The following LRRN4 variants were observed in gnomAD, a reference collection of about 807,000 sequenced individuals.
LRRN4 encodes the protein leucine rich repeat neuronal 4, also known as leucine-rich repeat neuronal protein 4.
In LRRN4, 26 loss-of-function variants were observed where a neutral mutation model predicts 22.3. The ratio of observed to expected loss-of-function variants is 1.16; its 90% confidence interval spans 0.85 to 1.62. The LOEUF (loss-of-function observed/expected upper bound fraction) is 1.62. Among genes scored for constraint, LRRN4 ranks in the 40% most tolerant of loss-of-function variants. LRRN4 has a pLI of 0.00. For missense variants in LRRN4, 1,070 were observed against 1,008.5 expected (o/e 1.06, Z -0.83); for synonymous variants, 496 against 486.2 (o/e 1.02, Z -0.26).
Position 6,041,032 on chromosome 20 carries a change from G to T in LRRN4, c.2213C>A (p.Thr738Asn). The T allele has an allele frequency of 6.2e-7, 1 of 1,613,982 alleles. No homozygotes were observed. The highest frequency in any genetic ancestry group is 8.5e-7 in the Non-Finnish European group (1 of 1,179,992). Reference protein sequence around the residue: ...AFDDYPLGLQTVS With the variant: ...AFDDYPLGLQNVS ...ATCCCAGAAGCTGGGCTAACTGACG[G>T]TCTGGAGCCCCAGCGGGTAATCATC... The change falls in exon 5 of 5, where the codon ACC becomes AAC. Residue 738 changes from threonine (T) to asparagine (N), a missense_variant. Transcript: ENST00000378858. The surrounding 1 kb of genome is among the most constrained non-coding windows in gnomAD (Gnocchi z 9.4).
rs745820651 is a variant in LRRN4 at position 6,053,387 on chromosome 20, AG to A, written c.-6+442del. 1.1e-4 allele frequency among the ~76,000 whole-genome samples: 17 copies of A among 152,278 alleles called. No homozygotes were observed. In the East Asian group the frequency reaches 2.5e-3, roughly 23 times the overall value. The stretch of plus-strand genomic sequence containing the variant: ...TGGCAGCATGCTCAGGGTTGCCTTC[AG>A]CAGAAGAACAAAGCCCTGTGAACCC... On this transcript the variant is annotated intron_variant, in intron 1 of 4. Transcript: ENST00000378858.
chr20:6,051,523 C>T (rs995437795), intron 2 of LRRN4, among the ~76,000 whole-genome samples: 2 of 152,120 alleles, frequency 1.3e-5, no homozygotes, highest in African/African-American at 4.8e-5. Context: ...GTTGTAGACA[C>T]GTGAAGTGTT....
chr20:6,041,058 A>G lies in LRRN4; in HGVS notation c.2187T>C (p.Phe729=). 6.2e-7 allele frequency: 1 copy of G among 1,614,000 alleles called. No individual in the cohort carries two copies. Among genetic ancestry groups the G allele is most frequent in the South Asian group, 1.1e-5 (1 of 91,090 alleles). Residue 729 remains phenylalanine, a synonymous_variant, in exon 5 of 5, where the codon TTT becomes TTC. Coordinates refer to ENST00000378858, the MANE Select transcript of LRRN4 (RefSeq NM_152611.5). The surrounding 1 kb of genome is among the most constrained non-coding windows in gnomAD (Gnocchi z 9.4). ...TCTGGAGCCCCAGCGGGTAATCATCAAAGGCCGGGTTTTTGTAGGCCACCA... is the reference window on the plus strand; with the variant it reads ...TCTGGAGCCCCAGCGGGTAATCATCGAAGGCCGGGTTTTTGTAGGCCACCA... ...THLVAYKNPA[F]DDYPLGLQTV...
At chr20:6,047,523 A>G (rs1428379062) in intron 3 of LRRN4, among the ~76,000 whole-genome samples, 1 of 151,596 alleles carries the variant, frequency 6.6e-6, no homozygotes, top group East Asian at 1.9e-4. Context: ...GCGGTGGCTC[A>G]CACCCATAAT....
At position 6,041,490 on chromosome 20, in the gene LRRN4, C is replaced by A; in HGVS notation, c.1755G>T (p.Leu585=). The A allele has an allele frequency of 6.4e-7, 1 of 1,559,072 alleles. No homozygotes were observed. The highest frequency in any genetic ancestry group is 1.9e-5 in the Admixed American group (1 of 53,368). The part of the protein sequence containing the change: ...GEDTIPDPPR[L]QGVTETTDTS... ...TGTCCGTGGTCTCCGTCACCCCCTG[C>A]AGCCTGGGCGGGTCTGGGATGGTGT... Residue 585 remains leucine (L), a synonymous_variant, in exon 5 of 5, where the codon CTG becomes CTT. Transcript: ENST00000378858. This position sits in a 1 kb window ranked among gnomAD's most constrained non-coding sequence, Gnocchi z 9.4.
intron 3 of LRRN4, among the ~76,000 whole-genome samples, chr20:6,047,408 AAAG>A (rs1981125353): frequency 6.8e-6 from 1 of 148,042 alleles, no homozygotes; most frequent in Admixed American, 6.8e-5. Context: ...TTAAGGTGTT[AAAG>A]AAGCAGACAC....
In LRRN4 at chr20:6,052,481, G is replaced by A; in HGVS notation, c.319C>T (p.Arg107Cys). Residue 107 changes from arginine to cysteine, a missense_variant, in exon 2 of 5, where the codon CGC (arginine) becomes TGC (cysteine). Transcript: ENST00000378858. ...CGCAGCGCGGCGATGCGGTTGTGGC[G>A]CAGGGTCAGCACCTGCAGCTGCTCC... Reference protein sequence around the residue: ...HLEQLQVLTLRHNRIAALRWG... With the variant: ...HLEQLQVLTLCHNRIAALRWG... The A allele has an allele frequency of 6.4e-7, 1 of 1,571,412 alleles. No individual in the cohort carries two copies. The highest frequency in any genetic ancestry group is 8.6e-7 in the Non-Finnish European group (1 of 1,167,568).
In LRRN4 at chr20:6,052,141, T is replaced by A; in HGVS notation, c.655+4A>T. The A allele has an allele frequency of 6.3e-7, 1 of 1,587,606 alleles. No homozygotes were observed. The highest frequency in any genetic ancestry group is 8.6e-7 in the Non-Finnish European group (1 of 1,168,038). On this transcript the variant is annotated splice_donor_region_variant and intron_variant, in intron 2 of 4. Transcript: ENST00000378858. ...GGCTGAAAACGCGGGGCGCCCGGACTCACCCCGTTCAAGGAACGTGCCGCT... is the reference window on the plus strand; with the variant it reads ...GGCTGAAAACGCGGGGCGCCCGGACACACCCCGTTCAAGGAACGTGCCGCT...
chr20:6,053,708 C>T (rs980034467), intron 1 of LRRN4, 122 bp downstream of exon 1: 2 of 152,272 alleles, frequency 1.3e-5, no homozygotes, highest in African/African-American at 2.4e-5. Flanking sequence ...AGTAGATCTC[C>T]GAGTCACCAC....
At position 6,045,641 on chromosome 20, in the gene LRRN4, T is replaced by C. The variant is rs549801557; in HGVS notation, c.861-961A>G. Among the ~76,000 whole-genome samples, 18 of 149,140 alleles carry C rather than the reference T, an allele frequency of 1.2e-4. 2 individuals carry two copies. In the South Asian group the frequency reaches 3.8e-3, roughly 32 times the overall value. On this transcript the variant is annotated intron_variant, in intron 3 of 4. Transcript: ENST00000378858. ...CTCATTTAAGTGCATCAGTGAACTC[T>C]TGCTAAGTAGAGAGTATCCTCCAAA...
At position 6,050,876 on chromosome 20, in the gene LRRN4, G is replaced by C; in HGVS notation, c.763C>G (p.Leu255Val). 6.2e-7 allele frequency: 1 copy of C among 1,614,172 alleles called. No homozygotes were observed. Among genetic ancestry groups the C allele is most frequent in the Non-Finnish European group, 8.5e-7 (1 of 1,180,020 alleles). The change falls in exon 3 of 5, where the codon CTG (leucine) becomes GTG (valine). Residue 255 changes from leucine (L) to valine (V), a missense_variant. Coordinates refer to ENST00000378858, the MANE Select transcript of LRRN4 (RefSeq NM_152611.5). Reference protein sequence around the residue: ...EGDIFKMTPNLQQLDCQDSPA... With the variant: ...EGDIFKMTPNVQQLDCQDSPA... Reference sequence around the variant, plus strand: ...GAGTCCTGACAGTCCAGCTGCTGCAGGTTGGGGGTCATCTTGAAAATGTCC... The same window carrying C: ...GAGTCCTGACAGTCCAGCTGCTGCACGTTGGGGGTCATCTTGAAAATGTCC...
In LRRN4 at chr20:6,052,673, C is replaced by A. The variant is rs757705594; in HGVS notation, c.127G>T (p.Ala43Ser). The change falls in exon 2 of 5, where the codon GCC (alanine) becomes TCC (serine). Residue 43 changes from alanine (A) to serine (S), a missense_variant. By Grantham distance (99) the Ala-to-Ser change is moderately conservative. Coordinates refer to ENST00000378858, the MANE Select transcript of LRRN4 (RefSeq NM_152611.5). The part of the protein sequence containing the change: ...QGPWGSSGSN[A>S]TDSPCEGLPA... ...AGCCCCTCGCAGGGCGAGTCGGTGG[C>A]GTTGCTGCCACTGCTCCCCCAGGGG... The A allele has an allele frequency of 6.3e-7, 1 of 1,577,920 alleles. No homozygotes were observed. Among genetic ancestry groups the A allele is most frequent in the Non-Finnish European group, 8.5e-7 (1 of 1,169,806 alleles).
In LRRN4 at chr20:6,042,194, C is replaced by A. The variant is rs1289962025; in HGVS notation, c.1051G>T (p.Ala351Ser). The change falls in exon 5 of 5, where the codon GCC (alanine) becomes TCC (serine). Residue 351 changes from alanine to serine, a missense_variant. Transcript: ENST00000378858. ...PAAGSSGPFS[A>S]SLSLSQLPGV... ...GGCAGCTGGGAGAGTGACAGGGAGGCTGAGAAGGGGCCGCTGGATCCCGCA... is the reference window on the plus strand; with the variant it reads ...GGCAGCTGGGAGAGTGACAGGGAGGATGAGAAGGGGCCGCTGGATCCCGCA... 1.5e-5 allele frequency: 24 copies of A among 1,613,796 alleles called. No individual in the cohort carries two copies. Among genetic ancestry groups the A allele is most frequent in the Non-Finnish European group, 1.9e-5 (23 of 1,179,972 alleles).
Position 6,052,769 on chromosome 20 carries a change from TCAGCAG to T in LRRN4, c.25_30del (p.Leu9_Leu10del). The stretch of plus-strand genomic sequence containing the variant: ...TCTGCCCAGCTGGGGCGCAGCACCG[TCAGCAG>T]CAGCAGCGGTAGGGTTTGCCGCATG... On this transcript the variant is annotated inframe_deletion, in exon 2 of 5. Transcript: ENST00000378858. The T allele has an allele frequency of 3.2e-6, 5 of 1,575,464 alleles. No homozygotes were observed. Among genetic ancestry groups the T allele is most frequent in the Non-Finnish European group, 4.3e-6 (5 of 1,168,394 alleles).
rs1288436820 is a variant in LRRN4 at position 6,041,905 on chromosome 20, G to A, written c.1340C>T (p.Pro447Leu). 1 of 1,614,162 alleles carries A rather than the reference G, an allele frequency of 6.2e-7. No individual in the cohort carries two copies. The highest frequency in any genetic ancestry group is 8.5e-7 in the Non-Finnish European group (1 of 1,180,012). ...VAGHSNSSVFPRAASTTRTQH... is the reference protein window; with the variant it reads ...VAGHSNSSVFLRAASTTRTQH... ...GGTCCTGGTGGTGCTGGCAGCCCTG[G>A]GGAAAACGCTGGAGTTGCTGTGACC... The change falls in exon 5 of 5, where the codon CCC becomes CTC. Residue 447 changes from proline (P) to leucine (L), a missense_variant. Coordinates refer to ENST00000378858, the MANE Select transcript of LRRN4 (RefSeq NM_152611.5). This position sits in a 1 kb window ranked among gnomAD's most constrained non-coding sequence, Gnocchi z 9.4.
intron 3 of LRRN4, among the ~76,000 whole-genome samples, chr20:6,047,746 G>C (rs1981143963): frequency 6.7e-6 from 1 of 149,990 alleles, no homozygotes; most frequent in Non-Finnish European, 1.5e-5. Context: ...AGCTGAGATA[G>C]AGCCACTGCA....
chr20:6,041,908 A>G lies in LRRN4; in HGVS notation c.1337T>C (p.Phe446Ser), dbSNP rs1351909121. 6.2e-7 allele frequency: 1 copy of G among 1,614,064 alleles called. No homozygotes were observed. The highest frequency in any genetic ancestry group is 2.2e-5 in the East Asian group (1 of 44,858). ...CCTGGTGGTGCTGGCAGCCCTGGGGAAAACGCTGGAGTTGCTGTGACCTGC... is the reference window on the plus strand; with the variant it reads ...CCTGGTGGTGCTGGCAGCCCTGGGGGAAACGCTGGAGTTGCTGTGACCTGC... ...SVAGHSNSSV[F>S]PRAASTTRTQ... Residue 446 changes from phenylalanine (F) to serine (S), a missense_variant, in exon 5 of 5, where the codon TTC (phenylalanine) becomes TCC (serine). Physicochemically the swap from Phe to Ser is radical, Grantham distance 155 (BLOSUM62 -2). Coordinates refer to ENST00000378858, the MANE Select transcript of LRRN4 (RefSeq NM_152611.5). This position sits in a 1 kb window ranked among gnomAD's most constrained non-coding sequence, Gnocchi z 9.4.
intron 4 of LRRN4, among the ~76,000 whole-genome samples, chr20:6,044,321 C>T (rs1320654537): frequency 6.6e-6 from 1 of 152,226 alleles, no homozygotes; most frequent in African/African-American, 2.4e-5. Flanking sequence ...TCACCAAAAG[C>T]CTCCAGGTCT....
At position 6,041,472 on chromosome 20, in the gene LRRN4, G is replaced by C. The variant is rs1276598649; in HGVS notation, c.1773C>G (p.Thr591=). 1.9e-6 allele frequency: 3 copies of C among 1,555,828 alleles called. No individual in the cohort carries two copies. Among genetic ancestry groups the C allele is most frequent in the Non-Finnish European group, 2.6e-6 (3 of 1,149,638 alleles). ...AGTGGACCAGCGCCGACGTGTCCGTGGTCTCCGTCACCCCCTGCAGCCTGG... is the reference window on the plus strand; with the variant it reads ...AGTGGACCAGCGCCGACGTGTCCGTCGTCTCCGTCACCCCCTGCAGCCTGG... ...DPPRLQGVTE[T]TDTSALVHWC... The change falls in exon 5 of 5, where the codon ACC becomes ACG. Residue 591 remains threonine, a synonymous_variant. Transcript: ENST00000378858. The surrounding 1 kb of genome is among the most constrained non-coding windows in gnomAD (Gnocchi z 9.4).
Sources: gnomAD v4.1 joint callset for allele counts (sites outside exome capture counted in the v4.1 genomes callset) on GRCh38, gnomAD v4.1.1 for gene constraint, Gnocchi (gnomAD v3.1) non-coding constraint, MANE v1.5 for transcripts, NCBI Gene and HGNC (gene_info 2026-07-23, HGNC 2026-07-21) for gene names.